Variants in KANK1 observed in about 807,000 individuals in gnomAD.
KANK1 encodes the protein KN motif and ankyrin repeat domains 1, also known as KN motif and ankyrin repeat domain-containing protein 1.
KANK1 carries 109 observed loss-of-function variants against 106.2 expected under a neutral mutation model. That is an observed-to-expected ratio of 1.03 (90% CI 0.88 to 1.20). The LOEUF (loss-of-function observed/expected upper bound fraction) is 1.20. KANK1 is among the 50% of genes most tolerant of loss of function. KANK1 has a pLI of 0.00. For synonymous variants in KANK1, 873 were observed against 652.2 expected (o/e 1.34, Z -5.16); for missense variants, 2,399 against 1,710.7 (o/e 1.40, Z -7.10).
chr9:507,090 C>G (rs1044241030), intron 1 of KANK1, among the ~76,000 whole-genome samples: 5 of 150,744 alleles, frequency 3.3e-5, no homozygotes, highest in South Asian at 2.1e-4. Flanking sequence ...TCAAGTGTTT[C>G]GGGAAGTTTT....
chr9:623,861 G>C (rs1833756019), intron 1 of KANK1, among the ~76,000 whole-genome samples: 1 of 151,308 alleles, frequency 6.6e-6, no homozygotes, highest in Admixed American at 6.6e-5. Context: ...ATATGATCCA[G>C]CAGTCCCACT....
At chr9:595,431 A>G (rs559740179) in intron 1 of KANK1, among the ~76,000 whole-genome samples, 62 of 152,032 alleles carry the variant, frequency 4.1e-4, no homozygotes, top group Middle Eastern at 6.8e-3. Flanking sequence ...GAGCGTTGCA[A>G]TCAGAACAAG....
At chr9:570,142 GCT>G (rs1563786314) in intron 1 of KANK1, among the ~76,000 whole-genome samples, 1 of 152,156 alleles carries the variant, frequency 6.6e-6, no homozygotes, top group East Asian at 1.9e-4. Flanking sequence ...CTTGGAGAGT[GCT>G]CTCTCATTGC....
At chr9:538,008 T>G (rs1489804637) in intron 1 of KANK1, among the ~76,000 whole-genome samples, 2 of 152,166 alleles carry the variant, frequency 1.3e-5, no homozygotes, top group East Asian at 3.8e-4. Flanking sequence ...TTACTGTTGA[T>G]TCCCCTCTCT....
At chr9:740,243 C>G (rs529760162) in intron 8 of KANK1, among the ~76,000 whole-genome samples, 1 of 152,160 alleles carries the variant, frequency 6.6e-6, no homozygotes, top group Non-Finnish European at 1.5e-5. Context: ...CATTTGTTCT[C>G]GACCATAAAT....
intron 1 of KANK1, among the ~76,000 whole-genome samples, chr9:592,682 A>C (rs895450352): frequency 1.3e-5 from 2 of 151,858 alleles, no homozygotes; most frequent in Non-Finnish European, 2.9e-5. Context: ...ACATTTTAAA[A>C]TATTTTATCT....
rs909996075 is a variant in KANK1 at position 727,665 on chromosome 9, G to A, written c.2699-2386G>A. 2.7e-5 allele frequency among the ~76,000 whole-genome samples: 4 copies of A among 147,906 alleles called. 1 individual carries two copies. The highest frequency in any genetic ancestry group is 5.2e-5 in the African/African-American group (2 of 38,270). On this transcript the variant is annotated intron_variant, in intron 3 of 11. Coordinates refer to ENST00000382297, the MANE Select transcript of KANK1 (RefSeq NM_015158.5). Reference sequence around the variant, plus strand: ...CCATAGCTGTTTCATTTAGCACAGAGTCAGATAACTTTTCATGTGTGTGTG... The same window carrying A: ...CCATAGCTGTTTCATTTAGCACAGAATCAGATAACTTTTCATGTGTGTGTG...
At position 478,906 on chromosome 9, in the gene KANK1, G is replaced by T. The variant is rs1289741143; in HGVS notation, c.-362+5633G>T. On this transcript the variant is annotated intron_variant, in intron 3 of 15. Transcript: ENST00000382303. ...GACAAATCATCCATAACTCTACCAC[G>T]CTAAACATCCATTACTTTTTTTTTT... Among the ~76,000 whole-genome samples, 3 of 150,540 alleles carry T rather than the reference G, an allele frequency of 2.0e-5. No homozygotes were observed. In the East Asian group the frequency reaches 5.9e-4, roughly 30 times the overall value.
At chr9:541,950 G>A (rs923282702) in intron 1 of KANK1, among the ~76,000 whole-genome samples, 5 of 151,182 alleles carry the variant, frequency 3.3e-5, no homozygotes, top group Admixed American at 6.6e-5. Context: ...TTAGCCGGGC[G>A]TGGTAGCGGG....
chr9:472,549 G>C (rs2058040044), intron 2 of KANK1, among the ~76,000 whole-genome samples: 1 of 152,280 alleles, frequency 6.6e-6, no homozygotes, highest in Middle Eastern at 3.4e-3. Flanking sequence ...GCATGGCCTT[G>C]TGAATTACTT....
At chr9:549,142 C>G (rs2134031104) in intron 1 of KANK1, 1 of 151,824 alleles carries the variant, frequency 6.6e-6, no homozygotes, top group Non-Finnish European at 1.5e-5. Flanking sequence ...GAATTTTCAG[C>G]TTTTCACCTT....
intron 1 of KANK1, among the ~76,000 whole-genome samples, chr9:576,622 C>T (rs1289007084): frequency 3.9e-5 from 6 of 152,128 alleles, no homozygotes; most frequent in Non-Finnish European, 7.3e-5. Flanking sequence ...GACATTGTTT[C>T]ATTTAGGGGA....
rs553082823 is a variant in KANK1, at chr9:528,393, C to T, written c.-84+23639C>T. ...CCTTTTTCTCTCCTATTTTCTATGT[C>T]TTGGTCTTTTTATTCCATTTTCTGG... On this transcript the variant is annotated intron_variant, in intron 1 of 11. Coordinates refer to ENST00000382297, the MANE Select transcript of KANK1 (RefSeq NM_015158.5). Among the ~76,000 whole-genome samples, 10 of 148,892 alleles carry T rather than the reference C, an allele frequency of 6.7e-5. No individual in the cohort carries two copies. In the South Asian group the frequency reaches 1.9e-3, roughly 28 times the overall value.
chr9:594,220 C>G (rs1434008340), intron 1 of KANK1, among the ~76,000 whole-genome samples: 1 of 151,822 alleles, frequency 6.6e-6, no homozygotes, highest in African/African-American at 2.4e-5. Flanking sequence ...CTTGTTTTAG[C>G]TCTTTATGTT....
At chr9:575,900 A>G (rs1440883577) in intron 1 of KANK1, among the ~76,000 whole-genome samples, 6 of 152,282 alleles carry the variant, frequency 3.9e-5, no homozygotes, top group Admixed American at 1.3e-4. Context: ...GTGTATGCCT[A>G]TAATCCCAGC....
rs907159316 is a variant in KANK1, at chr9:591,613, A to G, written c.-83-85277A>G. Among the ~76,000 whole-genome samples, 32 of 151,718 alleles carry G rather than the reference A, an allele frequency of 2.1e-4. 1 individual carries two copies. The highest frequency in any genetic ancestry group is 6.8e-4 in the African/African-American group (28 of 41,046). ...CAGGTGCAGTTTCTTTGCTTGGGAA[A>G]TGTGTGCACACGCGCACACACACAC... On this transcript the variant is annotated intron_variant, in intron 1 of 11. Coordinates refer to ENST00000382297, the MANE Select transcript of KANK1 (RefSeq NM_015158.5).
intron 1 of KANK1, among the ~76,000 whole-genome samples, chr9:592,612 C>G (rs1825246502): frequency 6.6e-6 from 1 of 151,892 alleles, no homozygotes; most frequent in African/African-American, 2.4e-5. Flanking sequence ...CATCTCTAAC[C>G]ACAAGATTGC....
At chr9:741,238 A>T (rs1294674095) in intron 9 of KANK1, among the ~76,000 whole-genome samples, 2 of 139,908 alleles carry the variant, frequency 1.4e-5, no homozygotes, top group African/African-American at 5.0e-5. Flanking sequence ...TCCCCATCAG[A>T]TGCTCAGTGA....
intron 1 of KANK1, among the ~76,000 whole-genome samples, chr9:506,924 G>T (rs2058783961): frequency 6.6e-6 from 1 of 152,132 alleles, no homozygotes; most frequent in Admixed American, 6.5e-5. Context: ...AGCAGAGTGG[G>T]TCTGTGAAAA....
Sources: allele counts gnomAD v4.1 joint callset (sites outside exome capture counted in the v4.1 genomes callset), GRCh38; gene constraint gnomAD v4.1.1; transcripts MANE v1.5; gene names NCBI Gene and HGNC (gene_info 2026-07-23, HGNC 2026-07-21).